Variants in FGFR2 observed in about 807,000 individuals in gnomAD.
FGFR2 encodes fibroblast growth factor receptor 2.
A neutral mutation model predicts 95.9 loss-of-function variants in FGFR2; 19 were observed. The observed-to-expected ratio is 0.20, with a 90% CI of 0.14 to 0.29. The LOEUF (loss-of-function observed/expected upper bound fraction) is 0.29, where lower values mean the gene tolerates loss of function less well. FGFR2 is among the 10% of genes least tolerant of loss of function. FGFR2 has a pLI of 1.00. For synonymous variants in FGFR2, 392 were observed against 393.3 expected (o/e 1.00, Z 0.04); for missense variants, 707 against 1,056.9 (o/e 0.67, Z 4.59).
In FGFR2 at chr10:121,496,450, T is replaced by C. The variant is rs1051740531; in HGVS notation, c.1863+82A>G. Reference sequence around the variant, plus strand: ...ACATGCGAGGGCTTGATCTAGCAAATGAGCATGTCCAAATTGCCTGTTTTC... The same window carrying C: ...ACATGCGAGGGCTTGATCTAGCAAACGAGCATGTCCAAATTGCCTGTTTTC... On this transcript the variant is annotated intron_variant, in intron 13 of 17. Coordinates refer to ENST00000358487, the MANE Select transcript of FGFR2 (RefSeq NM_000141.5). 5 of 1,306,026 alleles carry C rather than the reference T, an allele frequency of 3.8e-6. No individual in the cohort carries two copies. In the African/African-American group the frequency reaches 4.3e-5, roughly 11 times the overall value. 80.9% of individuals were successfully genotyped at this position (1,306,026 alleles called of 1,614,324 possible).
chr10:121,594,106 C>T, intron 1 of FGFR2, 139 bp from the exon 2 acceptor site: 1 of 532,344 alleles, frequency 1.9e-6, no homozygotes, highest in South Asian at 2.0e-5. Flanking sequence ...ATCCTTCCAT[C>T]CTCACCTCAG....
intron 4 of FGFR2, chr10:121,564,215 T>C (rs1025454975): frequency 2.3e-5 from 11 of 481,888 alleles, no homozygotes; most frequent in Non-Finnish European, 3.8e-5. Context: ...TGTCTCTGAA[T>C]AGGGAGAAGT....
At position 121,518,293 on chromosome 10, in the gene FGFR2, T is replaced by TG. The variant is rs1849969718; in HGVS notation, c.940-831dup. Reference sequence around the variant, plus strand: ...TCTTGCCAATATTTCCCTAAAAACTTGAAGTAGAAGGAGACAAACTCTGCT... The same window carrying TG: ...TCTTGCCAATATTTCCCTAAAAACTTGGAAGTAGAAGGAGACAAACTCTGCT... On this transcript the variant is annotated intron_variant, in intron 7 of 17. Transcript: ENST00000358487. This position sits in a 1 kb window ranked among gnomAD's most constrained non-coding sequence, Gnocchi z 4.0. 6.6e-6 allele frequency among the ~76,000 whole-genome samples: 1 copy of TG among 152,170 alleles called. No individual in the cohort carries two copies. Among genetic ancestry groups the TG allele is most frequent in the Non-Finnish European group, 1.5e-5 (1 of 68,036 alleles).
intron 17 of FGFR2, among the ~76,000 whole-genome samples, chr10:121,480,656 A>T (rs1844557885): frequency 6.6e-6 from 1 of 152,244 alleles, no homozygotes; most frequent in African/African-American, 2.4e-5. Flanking sequence ...AACAGGTTCA[A>T]AAAAGGCTTA....
chr10:121,568,733 A>C (rs1261849246), intron 2 of FGFR2, among the ~76,000 whole-genome samples: 1 of 152,238 alleles, frequency 6.6e-6, no homozygotes, highest in Non-Finnish European at 1.5e-5. Flanking sequence ...TTTTTAAATG[A>C]AAGTGTTTTC....
At chr10:121,484,181 C>T (rs1188571840) in intron 16 of FGFR2, among the ~76,000 whole-genome samples, 1 of 152,132 alleles carries the variant, frequency 6.6e-6, no homozygotes, top group Non-Finnish European at 1.5e-5. Flanking sequence ...TGACACCCTG[C>T]CCAGCACCAA....
chr10:121,589,351 C>G lies in FGFR2; in HGVS notation c.109+4358G>C, dbSNP rs148933188. On this transcript the variant is annotated intron_variant, in intron 2 of 17. Transcript: ENST00000358487. ...ACTACGAACATTAAACAAAACACTT[C>G]CAGTTTAAACACGACCCCAGTTATT... is the stretch of plus-strand genomic sequence containing the variant. Among the ~76,000 whole-genome samples, 321 of 152,294 alleles carry G rather than the reference C, an allele frequency of 2.1e-3. 1 individual carries two copies. Among genetic ancestry groups the G allele is most frequent in the African/African-American group, 7.0e-3 (292 of 41,558 alleles).
chr10:121,555,541 T>A (rs746110658), intron 4 of FGFR2, among the ~76,000 whole-genome samples: 1 of 152,162 alleles, frequency 6.6e-6, no homozygotes, highest in Non-Finnish European at 1.5e-5. Flanking sequence ...ATGACACTAA[T>A]CCACCTGTAA....
rs1411977769 is a variant in FGFR2, at chr10:121,507,983, A to G, written c.1288-4042T>C. On this transcript the variant is annotated intron_variant, in intron 9 of 17. Coordinates refer to ENST00000358487, the MANE Select transcript of FGFR2 (RefSeq NM_000141.5). ...TACAAATAAAAAACAATACAGTATA[A>G]CAACTATTTACATAGCATTTACAAC... is the stretch of plus-strand genomic sequence containing the variant. 3.3e-5 allele frequency among the ~76,000 whole-genome samples: 5 copies of G among 152,364 alleles called. No individual in the cohort carries two copies. In the East Asian group the frequency reaches 9.6e-4, roughly 29 times the overall value.
intron 6 of FGFR2, among the ~76,000 whole-genome samples, chr10:121,533,096 A>G (rs557502484): frequency 1.3e-5 from 2 of 152,278 alleles, no homozygotes; most frequent in Non-Finnish European, 2.9e-5. Flanking sequence ...TGGAAAGTTA[A>G]ACTGATAAAA....
Position 121,589,040 on chromosome 10 carries a change from A to T in FGFR2, c.109+4669T>A, listed in dbSNP as rs537075131. Among the ~76,000 whole-genome samples, 7 of 152,340 alleles carry T rather than the reference A, an allele frequency of 4.6e-5. No individual in the cohort carries two copies. In the South Asian group the frequency reaches 1.2e-3, roughly 27 times the overall value. Reference sequence around the variant, plus strand: ...ATCAGAATTATCTGTGGAATAGCCTAAAAAACTTCCAAAAAATAATTTCTG... The same window carrying T: ...ATCAGAATTATCTGTGGAATAGCCTTAAAAACTTCCAAAAAATAATTTCTG... On this transcript the variant is annotated intron_variant, in intron 2 of 17. Coordinates refer to ENST00000358487, the MANE Select transcript of FGFR2 (RefSeq NM_000141.5).
intron 6 of FGFR2, chr10:121,538,123 G>A (rs1216199380): frequency 3.3e-5 from 19 of 574,366 alleles, no homozygotes; most frequent in Non-Finnish European, 3.1e-6. Flanking sequence ...TGATGGAAGT[G>A]AAGGGCCCTC....
chr10:121,513,622 G>A (rs1341417564), intron 9 of FGFR2, among the ~76,000 whole-genome samples: 2 of 152,054 alleles, frequency 1.3e-5, no homozygotes, highest in Non-Finnish European at 2.9e-5. Flanking sequence ...GACTCTTCTA[G>A]AAACTGGTTG....
At chr10:121,520,581 G>C (rs973359192) in intron 6 of FGFR2, among the ~76,000 whole-genome samples, 4 of 152,124 alleles carry the variant, frequency 2.6e-5, no homozygotes, top group Admixed American at 2.6e-4. Flanking sequence ...CAAATGACAA[G>C]ACTAACTTTA....
intron 9 of FGFR2, among the ~76,000 whole-genome samples, chr10:121,508,803 G>C (rs902523170): frequency 6.6e-6 from 1 of 152,226 alleles, no homozygotes; most frequent in African/African-American, 2.4e-5. Context: ...AGAAACTATA[G>C]AATTTGATTG....
intron 5 of FGFR2, among the ~76,000 whole-genome samples, chr10:121,539,466 T>C (rs1853366064): frequency 6.6e-6 from 1 of 152,190 alleles, no homozygotes; most frequent in Non-Finnish European, 1.5e-5. Context: ...CTACCCAAGG[T>C]ACCATCAATA....
At chr10:121,497,318 T>C (rs1434494381) in intron 12 of FGFR2, among the ~76,000 whole-genome samples, 3 of 152,162 alleles carry the variant, frequency 2.0e-5, no homozygotes, top group African/African-American at 4.8e-5. Context: ...CTGCGCCCTC[T>C]TGGAAAGCAA....
At chr10:121,567,577 G>T (rs1005113719) in intron 2 of FGFR2, among the ~76,000 whole-genome samples, 1 of 152,186 alleles carries the variant, frequency 6.6e-6, no homozygotes, top group South Asian at 2.1e-4. Context: ...GGTGACAGAC[G>T]ATAGATACAA....
chr10:121,554,057 A>G (rs369695560), intron 4 of FGFR2, among the ~76,000 whole-genome samples: 7 of 152,344 alleles, frequency 4.6e-5, no homozygotes, highest in Middle Eastern at 3.4e-3. Flanking sequence ...CCCTCGGGTG[A>G]TATTTCAATC....
Sources: allele counts gnomAD v4.1 joint callset (sites outside exome capture counted in the v4.1 genomes callset), GRCh38; gene constraint gnomAD v4.1.1; non-coding constraint Gnocchi (gnomAD v3.1); transcripts MANE v1.5; gene names NCBI Gene and HGNC (gene_info 2026-07-23, HGNC 2026-07-21).